GRID2: variants seen among roughly 807,000 people sequenced by gnomAD.
The protein encoded by GRID2 is glutamate ionotropic receptor delta type subunit 2.
Under a neutral mutation model 114.8 loss-of-function variants are expected in GRID2, and 33 were observed. That is an observed-to-expected ratio of 0.29 (90% CI 0.22 to 0.38). GRID2 has a LOEUF of 0.38. Ranked by LOEUF, GRID2 falls within the 10% of genes least tolerant of loss-of-function variation. GRID2 has a pLI of 1.00. For missense variants in GRID2, 1,184 were observed against 1,257.7 expected, an observed-to-expected ratio of 0.94 and a Z score of 0.89; for synonymous variants, 505 against 449.9, an observed-to-expected ratio of 1.12 and a Z score of -1.55.
At chr4:93,200,541 G>A (rs1273784694) in intron 4 of GRID2, among the ~76,000 whole-genome samples, 1 of 150,292 alleles carries the variant, frequency 6.7e-6, no homozygotes, top group Non-Finnish European at 1.5e-5. Context: ...ACTCCAGCCT[G>A]GGCGACAGAG....
chr4:93,170,555 C>T (rs556340985), intron 4 of GRID2, among the ~76,000 whole-genome samples: 13 of 152,238 alleles, frequency 8.5e-5, no homozygotes, highest in Admixed American at 3.9e-4. Flanking sequence ...GTTCCTGCTT[C>T]GCCATAATAG....
At chr4:93,583,429 G>A (rs906234572) in intron 13 of GRID2, among the ~76,000 whole-genome samples, 20 of 150,378 alleles carry the variant, frequency 1.3e-4, no homozygotes, top group African/African-American at 1.7e-4. Flanking sequence ...TATTAATATT[G>A]ATCCAGTTCT....
At chr4:93,542,954 C>T (rs972984283) in intron 13 of GRID2, among the ~76,000 whole-genome samples, 3 of 152,070 alleles carry the variant, frequency 2.0e-5, no homozygotes, top group Non-Finnish European at 4.4e-5. Context: ...GTCATGAAAG[C>T]CATCACTGAG....
At chr4:93,442,909 T>C (rs1352114072) in intron 10 of GRID2, among the ~76,000 whole-genome samples, 1 of 152,054 alleles carries the variant, frequency 6.6e-6, no homozygotes, top group African/African-American at 2.4e-5. Context: ...TTGTAGTGTA[T>C]GGCAACTCCA....
intron 1 of GRID2, among the ~76,000 whole-genome samples, chr4:92,549,153 A>G (rs1452925983): frequency 6.6e-6 from 1 of 151,646 alleles, no homozygotes; most frequent in Non-Finnish European, 1.5e-5. Context: ...ACACTTACCA[A>G]GTAATCTCAA....
chr4:92,374,858 A>T (rs971428299), intron 1 of GRID2, among the ~76,000 whole-genome samples: 1 of 152,188 alleles, frequency 6.6e-6, no homozygotes, highest in Non-Finnish European at 1.5e-5. Context: ...TAAAGTAGAA[A>T]TAAGGATGAA....
rs567418228 is a variant in GRID2 at position 93,734,177 on chromosome 4, G to A, written c.2361-35033G>A. ...CAGAGGATAGCTGAGAACAATAGTT[G>A]GCTTAATACATATGAAAACACCCAG... On this transcript the variant is annotated intron_variant, in intron 14 of 15. Coordinates refer to ENST00000282020, the MANE Select transcript of GRID2 (RefSeq NM_001510.4). Among the ~76,000 whole-genome samples, 3 of 152,006 alleles carry A rather than the reference G, an allele frequency of 2.0e-5. No individual in the cohort carries two copies. In the East Asian group the frequency reaches 5.8e-4, roughly 29 times the overall value.
intron 2 of GRID2, among the ~76,000 whole-genome samples, chr4:92,692,607 A>G (rs914605451): frequency 6.6e-6 from 1 of 152,168 alleles, no homozygotes; most frequent in African/African-American, 2.4e-5. Flanking sequence ...ACAGTTTTAA[A>G]CCAGTATTGG....
chr4:92,365,153 C>T (rs1490313987), intron 1 of GRID2, among the ~76,000 whole-genome samples: 1 of 152,038 alleles, frequency 6.6e-6, no homozygotes, highest in East Asian at 1.9e-4. Context: ...CATACCAAAT[C>T]AGTATGTTGA....
At chr4:92,821,559 CAG>C (rs1741280112) in intron 2 of GRID2, among the ~76,000 whole-genome samples, 2 of 151,942 alleles carry the variant, frequency 1.3e-5, no homozygotes, top group Non-Finnish European at 2.9e-5. Context: ...GTTACATAAA[CAG>C]AAATTTAAAA....
chr4:93,009,014 T>A (rs953969102), intron 2 of GRID2, among the ~76,000 whole-genome samples: 1 of 152,092 alleles, frequency 6.6e-6, no homozygotes, highest in African/African-American at 2.4e-5. Context: ...TAGGTTAGAT[T>A]GTTGGAAAAA....
At chr4:92,335,159 A>G (rs1420608045) in intron 1 of GRID2, among the ~76,000 whole-genome samples, 1 of 152,188 alleles carries the variant, frequency 6.6e-6, no homozygotes, top group East Asian at 1.9e-4. Flanking sequence ...AAGAAAAATT[A>G]TGTTTAAAGT....
intron 2 of GRID2, among the ~76,000 whole-genome samples, chr4:92,926,646 A>T (rs1328088670): frequency 6.6e-6 from 1 of 151,958 alleles, no homozygotes; most frequent in East Asian, 1.9e-4. Context: ...TTATTTACAC[A>T]ATGAATTTCA....
At chr4:92,589,597 C>T (rs1305878001) in intron 1 of GRID2, among the ~76,000 whole-genome samples, 1 of 152,030 alleles carries the variant, frequency 6.6e-6, no homozygotes, top group Admixed American at 6.6e-5. Context: ...AATGTCTTTA[C>T]ATTTTCTATA....
intron 7 of GRID2, among the ~76,000 whole-genome samples, chr4:93,227,609 C>A (rs1463497288): frequency 6.6e-6 from 1 of 152,148 alleles, no homozygotes; most frequent in Non-Finnish European, 1.5e-5. Flanking sequence ...AATATAAAAT[C>A]TATCTTTAAG....
chr4:92,341,065 C>A (rs142457977), intron 1 of GRID2, among the ~76,000 whole-genome samples: 21 of 151,870 alleles, frequency 1.4e-4, no homozygotes, highest in African/African-American at 4.6e-4. Flanking sequence ...AGGGCAGTAT[C>A]TAGTATATAA....
At chr4:92,929,054 T>G (rs937097076) in intron 2 of GRID2, among the ~76,000 whole-genome samples, 1 of 151,544 alleles carries the variant, frequency 6.6e-6, no homozygotes, top group Non-Finnish European at 1.5e-5. Context: ...ATTAAATTAA[T>G]GTGATCAGTA....
rs569747662 is a variant in GRID2, at chr4:93,364,339, G to A, written c.1246-31268G>A. Reference sequence around the variant, plus strand: ...AGGCTTTTTTAAAAAAATCAATTTTGCCTGTGACTTAGTGAGCTCTTTTAA... The same window carrying A: ...AGGCTTTTTTAAAAAAATCAATTTTACCTGTGACTTAGTGAGCTCTTTTAA... On this transcript the variant is annotated intron_variant, in intron 8 of 15. Transcript: ENST00000282020. Among the ~76,000 whole-genome samples, 1,350 of 152,092 alleles carry A rather than the reference G, an allele frequency of 8.9e-3. 25 individuals carry two copies. Among genetic ancestry groups the A allele is most frequent in the African/African-American group, 0.031 (1,289 of 41,512 alleles).
In GRID2 at chr4:93,611,376, T is replaced by C. The variant is rs1199158279; in HGVS notation, c.2194-14893T>C. On this transcript the variant is annotated intron_variant, in intron 13 of 15. Coordinates refer to ENST00000282020, the MANE Select transcript of GRID2 (RefSeq NM_001510.4). ...TGCTAGCTTTTGAATGTGTTTGCTC[T>C]TGCTTTTCTAGTTCTTTTAATTGTG... 4.4e-5 allele frequency among the ~76,000 whole-genome samples: 4 copies of C among 90,254 alleles called. No individual in the cohort carries two copies. In the East Asian group the frequency reaches 1.1e-3, roughly 25 times the overall value. The allele number at this position is 90,254 out of a possible 152,430, so 59.2% of individuals were successfully genotyped here.
Sources: gnomAD v4.1 joint callset for allele counts (sites outside exome capture counted in the v4.1 genomes callset) on GRCh38, gnomAD v4.1.1 for gene constraint, MANE v1.5 for transcripts, NCBI Gene and HGNC (gene_info 2026-07-23, HGNC 2026-07-21) for gene names.